The following GLCCI1 variants were observed in gnomAD, a reference collection of about 807,000 sequenced individuals.
GLCCI1 encodes glucocorticoid-induced transcript 1 protein.
In GLCCI1, 24 loss-of-function variants were observed where a neutral mutation model predicts 52.2. The observed-to-expected ratio is 0.46, with a 90% CI of 0.33 to 0.65. The LOEUF (loss-of-function observed/expected upper bound fraction) is 0.65, where lower values mean the gene tolerates loss of function less well. Ranked by LOEUF, GLCCI1 falls within the 30% of genes least tolerant of loss-of-function variation. The pLI is 0.02. For synonymous variants in GLCCI1, 310 were observed against 276.5 expected, an observed-to-expected ratio of 1.12 and a Z score of -1.20; for missense variants, 704 against 701.5, an observed-to-expected ratio of 1.00 and a Z score of -0.04.
At chr7:8,032,811 T>G (rs973485500) in intron 3 of GLCCI1, among the ~76,000 whole-genome samples, 3 of 151,916 alleles carry the variant, frequency 2.0e-5, no homozygotes, top group African/African-American at 7.2e-5. Flanking sequence ...TTTGATGAAT[T>G]CGATCAAATA....
intron 5 of GLCCI1, among the ~76,000 whole-genome samples, chr7:8,067,660 G>A (rs190768208): frequency 4.6e-5 from 7 of 152,068 alleles, no homozygotes; most frequent in African/African-American, 1.2e-4. Context: ...GCCACTTCTC[G>A]CTTGGAATAG....
At chr7:8,081,197 C>G (rs1782987500) in intron 6 of GLCCI1, among the ~76,000 whole-genome samples, 2 of 152,048 alleles carry the variant, frequency 1.3e-5, no homozygotes, top group South Asian at 2.1e-4. Flanking sequence ...TACCCCCCAC[C>G]TCCCTACCCC....
intron 3 of GLCCI1, among the ~76,000 whole-genome samples, chr7:8,036,753 A>C (rs997967339): frequency 3.9e-5 from 6 of 152,188 alleles, no homozygotes; most frequent in African/African-American, 1.4e-4. Context: ...AATGAATTAC[A>C]AAATAGAGTT....
intron 1 of GLCCI1, chr7:7,980,219 C>CT (rs1472601312): frequency 6.5e-6 from 1 of 152,782 alleles, no homozygotes; most frequent in African/African-American, 2.4e-5. Flanking sequence ...TATAATCAGA[C>CT]TTTACCTATT....
intron 4 of GLCCI1, among the ~76,000 whole-genome samples, chr7:8,058,767 A>G (rs1782454502): frequency 6.6e-6 from 1 of 152,206 alleles, no homozygotes; most frequent in African/African-American, 2.4e-5. Context: ...GGGTTGGGGC[A>G]TTGACCCTCA....
chr7:8,084,850 A>G (rs772062623), intron 6 of GLCCI1, 47 bp from the exon 7 acceptor site: 8 of 1,602,414 alleles, frequency 5.0e-6, no homozygotes, highest in Middle Eastern at 1.7e-4. Context: ...AATCAAATTT[A>G]AAAGAGCTTT....
rs1398450514 is a variant in GLCCI1 at position 8,017,136 on chromosome 7, T to A, written c.610-5347T>A. Among the ~76,000 whole-genome samples, 4 of 152,224 alleles carry A rather than the reference T, an allele frequency of 2.6e-5. No individual in the cohort carries two copies. In the East Asian group the frequency reaches 7.7e-4, roughly 29 times the overall value. On this transcript the variant is annotated intron_variant, in intron 2 of 7. Coordinates refer to ENST00000223145, the MANE Select transcript of GLCCI1 (RefSeq NM_138426.4). ...AGCGTATTTACATTCTTAGGAAAGC[T>A]ACTCCCTCCTCCATTACTTAGTTAT...
At chr7:8,044,234 C>T (rs1422016508) in intron 3 of GLCCI1, among the ~76,000 whole-genome samples, 2 of 152,114 alleles carry the variant, frequency 1.3e-5, no homozygotes, top group African/African-American at 2.4e-5. Context: ...CATGAGCCAC[C>T]GTGCCTGGCC....
intron 1 of GLCCI1, among the ~76,000 whole-genome samples, chr7:7,992,571 C>G (rs758993382): frequency 6.6e-6 from 1 of 151,996 alleles, no homozygotes; most frequent in Non-Finnish European, 1.5e-5. Flanking sequence ...ATTATTTTCC[C>G]CAGATATAAG....
Position 8,022,494 on chromosome 7 carries a change from T to C in GLCCI1, c.621T>C (p.Cys207=). ...TATATTTTTTAAAGACACCTAGCTG[T>C]TGGGCAGAAGAGGGTGCAGAAAAGA... ...MKDKATQTPS[C]WAEEGAEKRS... is the part of the protein sequence containing the mutation. The change falls in exon 3 of 8, where the codon TGT becomes TGC. Residue 207 remains cysteine (C), a synonymous_variant. Transcript: ENST00000223145. 1 of 1,569,256 alleles carries C rather than the reference T, an allele frequency of 6.4e-7. No homozygotes were observed. The highest frequency in any genetic ancestry group is 8.7e-7 in the Non-Finnish European group (1 of 1,155,514).
intron 4 of GLCCI1, 68 bp from the exon 5 acceptor site, chr7:8,060,028 C>G: frequency 7.9e-7 from 1 of 1,272,102 alleles, no homozygotes; most frequent in Middle Eastern, 1.9e-4. Flanking sequence ...TTAATATTTA[C>G]CATACTCTTT....
At chr7:8,058,891 G>T (rs760591579) in intron 4 of GLCCI1, among the ~76,000 whole-genome samples, 1 of 152,138 alleles carries the variant, frequency 6.6e-6, no homozygotes, top group Admixed American at 6.5e-5. Context: ...AACATATTTT[G>T]TATGTTTCAT....
intron 4 of GLCCI1, chr7:8,055,860 C>G: frequency 1.1e-5 from 2 of 182,574 alleles, no homozygotes; most frequent in South Asian, 1.0e-4. Context: ...GGGCGTCGTG[C>G]CGGGCGCCTG....
At chr7:8,017,322 AAGCT>A (rs1781400281) in intron 2 of GLCCI1, among the ~76,000 whole-genome samples, 1 of 152,212 alleles carries the variant, frequency 6.6e-6, no homozygotes, top group African/African-American at 2.4e-5. Context: ...AACATGTTCA[AAGCT>A]AGCAAGAAAA....
intron 1 of GLCCI1, chr7:7,970,377 C>T (rs1427523154): frequency 6.6e-6 from 1 of 151,136 alleles, no homozygotes; most frequent in African/African-American, 2.4e-5. Context: ...CTCCCTCTCT[C>T]CCTCTCCCCC....
intron 1 of GLCCI1, among the ~76,000 whole-genome samples, chr7:7,991,395 A>G (rs1393707968): frequency 6.6e-6 from 1 of 152,104 alleles, no homozygotes; most frequent in East Asian, 1.9e-4. Flanking sequence ...AATAGGAAAT[A>G]AGAATGCAGA....
chr7:7,989,995 C>T (rs1237353222), intron 1 of GLCCI1, among the ~76,000 whole-genome samples: 2 of 151,942 alleles, frequency 1.3e-5, no homozygotes, highest in African/African-American at 2.4e-5. Context: ...CCTGTTAATA[C>T]TAAACACATA....
At chr7:8,065,913 A>T (rs889522905) in intron 5 of GLCCI1, among the ~76,000 whole-genome samples, 1 of 152,108 alleles carries the variant, frequency 6.6e-6, no homozygotes, top group African/African-American at 2.4e-5. Context: ...TGTTATCCTT[A>T]TAGAATTAGT....
At chr7:7,985,969 T>C (rs1406656776) in intron 1 of GLCCI1, among the ~76,000 whole-genome samples, 1 of 152,194 alleles carries the variant, frequency 6.6e-6, no homozygotes, top group East Asian at 1.9e-4. Context: ...ATTTTTATAG[T>C]TGGTACCTGT....
Sources: gnomAD v4.1 joint callset for allele counts (sites outside exome capture counted in the v4.1 genomes callset) on GRCh38, gnomAD v4.1.1 for gene constraint, MANE v1.5 for transcripts, NCBI Gene and HGNC (gene_info 2026-07-23, HGNC 2026-07-21) for gene names.